Variants in PRKCA observed in about 807,000 individuals in gnomAD.
PRKCA encodes protein kinase C alpha type.
In PRKCA, 27 loss-of-function variants were observed where a neutral mutation model predicts 87.0. The ratio of observed to expected loss-of-function variants is 0.31; its 90% CI spans 0.23 to 0.43. The LOEUF is 0.43. PRKCA is among the 20% of genes least tolerant of loss of function. The pLI is 1.00. For synonymous variants in PRKCA, 329 were observed against 311.1 expected (o/e 1.06, Z -0.61); for missense variants, 518 against 852.3 (o/e 0.61, Z 4.88).
At chr17:66,604,262 C>T (rs1192369060) in intron 3 of PRKCA, among the ~76,000 whole-genome samples, 2 of 151,874 alleles carry the variant, frequency 1.3e-5, no homozygotes, top group East Asian at 1.9e-4. Flanking sequence ...AAAAAAGTGG[C>T]CTGGGAAACA....
At chr17:66,774,449 C>G (rs1306087936) in intron 14 of PRKCA, 24 of 808,500 alleles carry the variant, frequency 3.0e-5, no homozygotes, top group African/African-American at 3.6e-5. Flanking sequence ...GGCGAAACCC[C>G]ATCTCTACTA....
chr17:66,686,278 G>T (rs987018842), intron 5 of PRKCA, among the ~76,000 whole-genome samples: 2 of 152,036 alleles, frequency 1.3e-5, no homozygotes, highest in South Asian at 4.2e-4. Context: ...AATTATTTTT[G>T]ATTCCCATAT....
chr17:66,303,265 G>T (rs987840185), intron 1 of PRKCA, among the ~76,000 whole-genome samples: 3 of 151,982 alleles, frequency 2.0e-5, no homozygotes, highest in Non-Finnish European at 4.4e-5. Context: ...GGCCCCGTAC[G>T]GTGGCGAAGG....
In PRKCA at chr17:66,732,702, C is replaced by T. The variant is rs1344961870; in HGVS notation, c.933C>T (p.Gly311=). 3.1e-6 allele frequency: 5 copies of T among 1,614,040 alleles called. No homozygotes were observed. The highest frequency in any genetic ancestry group is 4.2e-6 in the Non-Finnish European group (5 of 1,179,974). ...LRQKFEKAKL[G]PAGNKVISPS... is the part of the protein sequence containing the mutation. Reference sequence around the variant, plus strand: ...TTGTTATTTAGAAAGCCAAACTTGGCCCTGCTGGCAACAAAGTCATCAGTC... The same window carrying T: ...TTGTTATTTAGAAAGCCAAACTTGGTCCTGCTGGCAACAAAGTCATCAGTC... The change falls in exon 9 of 17, where the codon GGC becomes GGT. Residue 311 remains glycine (G), a synonymous_variant. Transcript: ENST00000413366.
chr17:66,385,261 A>C (rs1909995080), intron 2 of PRKCA, among the ~76,000 whole-genome samples: 1 of 152,224 alleles, frequency 6.6e-6, no homozygotes, highest in African/African-American at 2.4e-5. Context: ...GTTGAGTAGG[A>C]AAGAGTGCAT....
At chr17:66,685,002 T>C (rs1972587414) in intron 5 of PRKCA, among the ~76,000 whole-genome samples, 1 of 152,208 alleles carries the variant, frequency 6.6e-6, no homozygotes, top group Admixed American at 6.5e-5. Flanking sequence ...TTTAGTGGGC[T>C]AGACTTTCTG....
chr17:66,324,426 AC>A (rs1404085924), intron 2 of PRKCA, among the ~76,000 whole-genome samples: 1 of 128,914 alleles, frequency 7.8e-6, no homozygotes, highest in East Asian at 2.3e-4. Context: ...ACATGGTGAA[AC>A]CCTGTCTCTA....
At chr17:66,704,159 TAAAA>T (rs60117629) in intron 8 of PRKCA, among the ~76,000 whole-genome samples, 2 of 140,904 alleles carry the variant, frequency 1.4e-5, no homozygotes, top group African/African-American at 2.6e-5. Flanking sequence ...TCAGCAAAGT[TAAAA>T]AAAAAAAAAA....
At chr17:66,763,436 G>T (rs369428145) in intron 13 of PRKCA, among the ~76,000 whole-genome samples, 4 of 152,152 alleles carry the variant, frequency 2.6e-5, no homozygotes, top group Non-Finnish European at 5.9e-5. Context: ...CCCAGAAAAC[G>T]TTCAGGCCTG....
intron 5 of PRKCA, among the ~76,000 whole-genome samples, chr17:66,672,747 C>T (rs1972225412): frequency 6.6e-6 from 1 of 152,164 alleles, no homozygotes; most frequent in Non-Finnish European, 1.5e-5. Flanking sequence ...TTCTGATTAG[C>T]CATAAAATGA....
chr17:66,526,417 G>C (rs1598741763), intron 3 of PRKCA, among the ~76,000 whole-genome samples: 1 of 152,170 alleles, frequency 6.6e-6, no homozygotes, highest in African/African-American at 2.4e-5. Flanking sequence ...CCTGAGGGTT[G>C]GCTGATTTCA....
chr17:66,798,444 T>TGAC lies in PRKCA; in HGVS notation c.1855-5428_1855-5427insACG, dbSNP rs1568040879. Reference sequence around the variant, plus strand: ...GTGGTGGTGGTGGTGACGGTGGTGGTGGTGGTGACGGTGGTGGTGGTGGTG... The same window carrying TGAC: ...GTGGTGGTGGTGGTGACGGTGGTGGTGACGGTGGTGACGGTGGTGGTGGTGGTG... On this transcript the variant is annotated intron_variant, in intron 16 of 16. Coordinates refer to ENST00000413366, the MANE Select transcript of PRKCA (RefSeq NM_002737.3). 3.8e-3 allele frequency among the ~76,000 whole-genome samples: 331 copies of TGAC among 86,680 alleles called. 16 individuals are homozygous for TGAC. Among genetic ancestry groups the TGAC allele is most frequent in the Middle Eastern group, 0.011 (2 of 178 alleles). 56.9% of individuals were successfully genotyped at this position (86,680 alleles called of 152,430 possible).
Position 66,622,271 on chromosome 17 carries a change from T to G in PRKCA, c.289-19084T>G, listed in dbSNP as rs577372998. Among the ~76,000 whole-genome samples, 4 of 152,348 alleles carry G rather than the reference T, an allele frequency of 2.6e-5. No individual in the cohort carries two copies. The South Asian group carries it at 8.3e-4, about 32-fold the overall frequency. On this transcript the variant is annotated intron_variant, in intron 3 of 16. Transcript: ENST00000413366. The stretch of plus-strand genomic sequence containing the variant: ...GACTCTTCATAAATACTGAGTTGTT[T>G]ATAATTAATTGTTTGCAAGCAATGA...
Position 66,535,617 on chromosome 17 carries a change from G to A in PRKCA, c.288+39334G>A, listed in dbSNP as rs1967751992. ...AACACAGCTCTCGAGGGGTTCTGCA[G>A]ACGACCAGAGCCTGAGACCTTTTCT... On this transcript the variant is annotated intron_variant, in intron 3 of 16. Transcript: ENST00000413366. 2.6e-5 allele frequency among the ~76,000 whole-genome samples: 4 copies of A among 152,190 alleles called. No homozygotes were observed. The South Asian group carries it at 8.3e-4, about 32-fold the overall frequency.
intron 16 of PRKCA, among the ~76,000 whole-genome samples, chr17:66,801,562 CTTAT>C (rs1473071286): frequency 6.6e-6 from 1 of 152,192 alleles, no homozygotes; most frequent in Non-Finnish European, 1.5e-5. Context: ...ACAGCATGCC[CTTAT>C]TTATTTTTCA....
intron 2 of PRKCA, among the ~76,000 whole-genome samples, chr17:66,469,956 G>A (rs1414206898): frequency 6.6e-6 from 1 of 152,136 alleles, no homozygotes. Context: ...CGTTTTATTA[G>A]GAAGGTCAGA....
intron 3 of PRKCA, among the ~76,000 whole-genome samples, chr17:66,592,852 G>A (rs570868365): frequency 7.2e-4 from 110 of 152,302 alleles, no homozygotes; most frequent in African/African-American, 2.6e-3. Flanking sequence ...GAGTGCAGTG[G>A]CGCAATCTCG....
chr17:66,780,474 T>C (rs778566495), intron 14 of PRKCA, among the ~76,000 whole-genome samples: 1 of 152,002 alleles, frequency 6.6e-6, no homozygotes, highest in Non-Finnish European at 1.5e-5. Flanking sequence ...CAGGAGTTTG[T>C]AGACCAGCCT....
intron 14 of PRKCA, 142 bp from the exon 15 acceptor site, chr17:66,786,725 A>G (rs1028602899): frequency 3.2e-5 from 20 of 616,224 alleles, no homozygotes; most frequent in African/African-American, 5.5e-5. Context: ...ATAAACCGTC[A>G]AGTTAGCTGA....
Sources: allele counts gnomAD v4.1 joint callset (sites outside exome capture counted in the v4.1 genomes callset), GRCh38; gene constraint gnomAD v4.1.1; transcripts MANE v1.5; gene names NCBI Gene and HGNC (gene_info 2026-07-23, HGNC 2026-07-21).